The following HPS3 variants were observed in gnomAD, a reference collection of about 807,000 sequenced individuals.
HPS3 encodes the protein BLOC-2 complex member HPS3.
In HPS3, 79 loss-of-function variants were observed where a neutral mutation model predicts 110.9. That is an observed-to-expected ratio of 0.71 (90% CI 0.59 to 0.86). HPS3 has a LOEUF of 0.86. Among genes scored for constraint, HPS3 ranks in the 40% least tolerant of loss-of-function variants. The probability of loss-of-function intolerance (pLI) is 0.00; values close to 1 mark genes in which losing one functional copy is unlikely to be tolerated. For missense variants in HPS3, 1,197 were observed against 1,206.2 expected (o/e 0.99, Z 0.11); for synonymous variants, 428 against 451.0 (o/e 0.95, Z 0.65).
At position 149,141,437 on chromosome 3, in the gene HPS3, G is replaced by T. The variant is rs1474008145; in HGVS notation, c.970+57G>T. The T allele has an allele frequency of 6.4e-6, 9 of 1,407,838 alleles. No individual in the cohort carries two copies. The East Asian group carries it at 2.1e-4, about 32-fold the overall frequency. The allele number at this position is 1,407,838 out of a possible 1,614,324, so 87.2% of individuals were successfully genotyped here. ...CAGCAAGGTGAAAATGCTCTGTCTG[G>T]GCTGGGAGTGAAGACCCATGTGGGT... is the stretch of plus-strand genomic sequence containing the variant. On this transcript the variant is annotated intron_variant, in intron 4 of 16. Transcript: ENST00000296051.
intron 8 of HPS3, 148 bp from the exon 9 acceptor site, chr3:149,157,202 A>G: frequency 1.4e-6 from 1 of 733,548 alleles, no homozygotes; most frequent in South Asian, 1.6e-5. Context: ...AGCCCTTGTC[A>G]GAATGGTGAA....
At chr3:149,167,818 A>T (rs1480893927) in intron 15 of HPS3, 75 bp from the exon 16 acceptor site, 1 of 917,116 alleles carries the variant, frequency 1.1e-6, no homozygotes, top group Non-Finnish European at 1.8e-6. Context: ...TTTCCTGCAC[A>T]ATCTTCTTAT....
At chr3:149,158,590 T>G (rs1723597767) in intron 9 of HPS3, 76 bp from the exon 10 acceptor site, 1 of 1,350,020 alleles carries the variant, frequency 7.4e-7, no homozygotes, top group Non-Finnish European at 1.1e-6. Context: ...GAGTTTGAAA[T>G]CAGTCTGGGC....
chr3:149,136,513 A>G (rs990504443), intron 1 of HPS3, among the ~76,000 whole-genome samples: 4 of 152,106 alleles, frequency 2.6e-5, no homozygotes, highest in Admixed American at 1.3e-4. Flanking sequence ...GGCAAAGAAC[A>G]TAAACTTTTG....
At chr3:149,149,644 C>CT (rs113297187) in intron 5 of HPS3, among the ~76,000 whole-genome samples, 32,055 of 150,852 alleles carry the variant, frequency 0.21, 3,584 homozygotes, top group South Asian at 0.3. Context: ...TTGCTTTAGT[C>CT]TTTTTTTTTA....
intron 1 of HPS3, among the ~76,000 whole-genome samples, chr3:149,131,501 C>G (rs1721778701): frequency 6.6e-6 from 1 of 152,076 alleles, no homozygotes; most frequent in Non-Finnish European, 1.5e-5. Context: ...TTTGATGTTA[C>G]TATTGTAGTA....
chr3:149,168,120 G>T, intron 16 of HPS3, 137 bp downstream of exon 16: 1 of 656,266 alleles, frequency 1.5e-6, no homozygotes, highest in Non-Finnish European at 2.8e-6. Flanking sequence ...CTTATTTTCA[G>T]CATTCACGTA....
chr3:149,148,229 T>A (rs1444142840), intron 5 of HPS3, among the ~76,000 whole-genome samples: 3 of 152,050 alleles, frequency 2.0e-5, no homozygotes, highest in Admixed American at 2.0e-4. Flanking sequence ...TCCCATAAGG[T>A]GGTCTTGAAA....
chr3:149,140,072 AAT>A lies in HPS3; in HGVS notation c.288_289del (p.Asn96LysfsTer4). 1 of 1,612,844 alleles carries A rather than the reference AAT, an allele frequency of 6.2e-7. No homozygotes were observed. The highest frequency in any genetic ancestry group is 8.5e-7 in the Non-Finnish European group (1 of 1,179,606). ...TFLRAYVNWR[N>X]KRTENSRVCI... Reference sequence around the variant, plus strand: ...TCTACGTGCTTATGTGAACTGGAGAAATAAAAGGACTGAAAACTCTCGTGTGT... The same window carrying A: ...TCTACGTGCTTATGTGAACTGGAGAAAAAAGGACTGAAAACTCTCGTGTGT... On this transcript the variant is annotated frameshift_variant, in exon 2 of 17. Transcript: ENST00000296051. LOFTEE classifies it high-confidence loss of function.
rs1037729992 is a variant in HPS3, at chr3:149,141,075, C to T, written c.771C>T (p.Pro257=). The T allele has an allele frequency of 1.9e-6, 3 of 1,613,706 alleles. No individual in the cohort carries two copies. Among genetic ancestry groups the T allele is most frequent in the South Asian group, 2.2e-5 (2 of 91,050 alleles). Reference sequence around the variant, plus strand: ...ATGATTTTGTCATCTGCCAGAAGCCCCTGGAACTTCTTGGTGAAAAAAGTG... The same window carrying T: ...ATGATTTTGTCATCTGCCAGAAGCCTCTGGAACTTCTTGGTGAAAAAAGTG... ...ESDDFVICQK[P]LELLGEKSEQ... Residue 257 remains proline (P), a synonymous_variant, in exon 3 of 17, where the codon CCC becomes CCT. Transcript: ENST00000296051.
chr3:149,163,275 A>G (rs1724069976), intron 13 of HPS3, among the ~76,000 whole-genome samples: 1 of 152,132 alleles, frequency 6.6e-6, no homozygotes, highest in African/African-American at 2.4e-5. Flanking sequence ...TGGGAGGGAG[A>G]CTGCCTTAGT....
chr3:149,144,414 A>T (rs535564670), intron 4 of HPS3, among the ~76,000 whole-genome samples: 1 of 152,296 alleles, frequency 6.6e-6, no homozygotes, highest in East Asian at 1.9e-4. Context: ...TTTTGTTGAT[A>T]CCACCAGATA....
In HPS3 at chr3:149,140,091, C is replaced by A. The variant is rs1189649144; in HGVS notation, c.305C>A (p.Ser102Tyr). ...VNWRNKRTEN[S>Y]RVCIRMIGHN... ...TGGAGAAATAAAAGGACTGAAAACTCTCGTGTGTGTATCCGAATGATTGGG... is the reference window on the plus strand; with the variant it reads ...TGGAGAAATAAAAGGACTGAAAACTATCGTGTGTGTATCCGAATGATTGGG... The change falls in exon 2 of 17, where the codon TCT becomes TAT. Residue 102 changes from serine (S) to tyrosine (Y), a missense_variant. Transcript: ENST00000296051. 1.9e-6 allele frequency: 3 copies of A among 1,613,150 alleles called. No homozygotes were observed. The highest frequency in any genetic ancestry group is 1.7e-5 in the Admixed American group (1 of 59,874).
chr3:149,170,823 GAC>G (rs1264088791), intron 16 of HPS3, among the ~76,000 whole-genome samples: 2 of 152,184 alleles, frequency 1.3e-5, no homozygotes, highest in African/African-American at 2.4e-5. Flanking sequence ...GAATGGCACT[GAC>G]ATGTGGATAG....
At chr3:149,168,057 T>G in intron 16 of HPS3, 74 bp downstream of exon 16, 1 of 909,334 alleles carries the variant, frequency 1.1e-6, no homozygotes, top group Non-Finnish European at 1.8e-6. Context: ...TTCTTAAGTA[T>G]TTTCATGTGA....
chr3:149,163,801 G>T, intron 13 of HPS3, 41 bp from the exon 14 acceptor site: 2 of 1,077,588 alleles, frequency 1.9e-6, no homozygotes, highest in Non-Finnish European at 1.4e-6. Context: ...GCAAGCTTTT[G>T]TTGTTATATT....
chr3:149,129,810 G>C lies in HPS3; in HGVS notation c.87G>C (p.Gly29=), dbSNP rs774625249. Residue 29 remains glycine, a synonymous_variant, in exon 1 of 17, where the codon GGG becomes GGC. Coordinates refer to ENST00000296051, the MANE Select transcript of HPS3 (RefSeq NM_032383.5). ...AGCCGGACCGGTTCTGTGGCGGGGG[G>C]CGTGACGCGCTTTTCGTGGCGGCGG... is the stretch of plus-strand genomic sequence containing the variant. ...KLEPDRFCGG[G]RDALFVAAGC... 6.2e-7 allele frequency: 1 copy of C among 1,607,274 alleles called. No individual in the cohort carries two copies. The highest frequency in any genetic ancestry group is 8.5e-7 in the Non-Finnish European group (1 of 1,179,292).
At chr3:149,165,946 C>A in intron 14 of HPS3, 1 of 450,446 alleles carries the variant, frequency 2.2e-6, no homozygotes, top group Non-Finnish European at 4.4e-6. Flanking sequence ...AGGTACCAAC[C>A]TTATTCTCCT....
chr3:149,151,934 G>T (rs1056727304), intron 6 of HPS3, among the ~76,000 whole-genome samples: 3 of 152,180 alleles, frequency 2.0e-5, no homozygotes, highest in African/African-American at 7.2e-5. Flanking sequence ...TGCCTAATGT[G>T]TCTGAGATAC....
Sources: allele counts gnomAD v4.1 joint callset (sites outside exome capture counted in the v4.1 genomes callset), GRCh38; gene constraint gnomAD v4.1.1; transcripts MANE v1.5; gene names NCBI Gene and HGNC (gene_info 2026-07-23, HGNC 2026-07-21).